The following XYLT1 variants were observed in gnomAD, a reference collection of about 807,000 sequenced individuals.
XYLT1 encodes xylosyltransferase 1, also known as beta-D-xylosyltransferase 1.
XYLT1 carries 36 observed loss-of-function variants against 91.3 expected under a neutral mutation model. The observed-to-expected ratio is 0.39, with a 90% CI of 0.30 to 0.52. The LOEUF is 0.52. Among genes scored for constraint, XYLT1 ranks in the 20% least tolerant of loss-of-function variants. The probability of loss-of-function intolerance (pLI) is 0.68; values close to 1 mark genes in which losing one functional copy is unlikely to be tolerated. For synonymous variants in XYLT1, 588 were observed against 532.0 expected, an observed-to-expected ratio of 1.11 and a Z score of -1.45; for missense variants, 1,242 against 1,284.5, an observed-to-expected ratio of 0.97 and a Z score of 0.51.
chr16:17,365,578 T>C (rs1225137895), intron 1 of XYLT1, among the ~76,000 whole-genome samples: 1 of 152,072 alleles, frequency 6.6e-6, no homozygotes, highest in Non-Finnish European at 1.5e-5. Flanking sequence ...TACAGAAACG[T>C]TGGCAGTTAA....
chr16:17,292,497 C>G (rs1206615485), intron 2 of XYLT1, among the ~76,000 whole-genome samples: 1 of 152,208 alleles, frequency 6.6e-6, no homozygotes, highest in African/African-American at 2.4e-5. Context: ...CCAAAATGAC[C>G]TGCTGTGCAG....
At position 17,442,193 on chromosome 16, in the gene XYLT1, C is replaced by T. The variant is rs1274906409; in HGVS notation, c.363+28241G>A. On this transcript the variant is annotated intron_variant, in intron 1 of 11. Transcript: ENST00000261381. Reference sequence around the variant, plus strand: ...CCTCCTGGGACCCAGCTTGCCACCGCAGGCCTTGGGACTTCTCAGCCATCA... The same window carrying T: ...CCTCCTGGGACCCAGCTTGCCACCGTAGGCCTTGGGACTTCTCAGCCATCA... Among the ~76,000 whole-genome samples the T allele has an allele frequency of 2.6e-5, 4 of 152,162 alleles. No homozygotes were observed. In the South Asian group the frequency reaches 8.3e-4, roughly 32 times the overall value.
Position 17,127,851 on chromosome 16 carries a change from T to C in XYLT1, c.2038A>G (p.Met680Val), listed in dbSNP as rs763468294. 6.2e-6 allele frequency: 10 copies of C among 1,613,444 alleles called. No homozygotes were observed. Among genetic ancestry groups the C allele is most frequent in the African/African-American group, 1.3e-5 (1 of 74,968 alleles). ...DGENSCRYYPMGHPASVHLYF... is the reference protein window; with the variant it reads ...DGENSCRYYPVGHPASVHLYF... ...AGGTGCACAGATGCTGGGTGGCCCA[T>C]TGGGTAGTATCTGAAAACACAGGCG... is the stretch of plus-strand genomic sequence containing the variant. Residue 680 changes from methionine (M) to valine (V), a missense_variant, in exon 10 of 12, where the codon ATG becomes GTG. Met to Val is a conservative substitution (Grantham distance 21, BLOSUM62 1). Around this residue, in one of 3 missense-constraint regions of XYLT1, gnomAD observed 511 missense variants for 497.0 expected, o/e 1.03. Coordinates refer to ENST00000261381, the MANE Select transcript of XYLT1 (RefSeq NM_022166.4).
At position 17,105,927 on chromosome 16, in the gene XYLT1, A is replaced by G. The variant is rs1342550699; in HGVS notation, c.*2768T>C. 6.6e-6 allele frequency: 1 copy of G among 152,078 alleles called. No homozygotes were observed. The highest frequency in any genetic ancestry group is 2.4e-5 in the African/African-American group (1 of 41,394). The allele number at this position is 152,078 out of a possible 1,614,324, so 9.4% of individuals were successfully genotyped here. On this transcript the variant is annotated 3_prime_UTR_variant, in exon 12 of 12. Coordinates refer to ENST00000261381, the MANE Select transcript of XYLT1 (RefSeq NM_022166.4). The stretch of plus-strand genomic sequence containing the variant: ...TGTTTGGGATTTTCCTTAAAAAAAA[A>G]AACAAAACACAAAAACACAACAAAT...
chr16:17,257,509 A>G (rs1409331147), intron 3 of XYLT1, among the ~76,000 whole-genome samples: 3 of 152,174 alleles, frequency 2.0e-5, no homozygotes, highest in Non-Finnish European at 2.9e-5. Context: ...TCCAAGGAAA[A>G]AAGTAAAATT....
At chr16:17,225,792 T>C (rs1446162889) in intron 3 of XYLT1, among the ~76,000 whole-genome samples, 1 of 152,168 alleles carries the variant, frequency 6.6e-6, no homozygotes, top group African/African-American at 2.4e-5. Flanking sequence ...GAATCATAAA[T>C]AATGTAGAAT....
chr16:17,131,513 AC>A, intron 9 of XYLT1, among the ~76,000 whole-genome samples: 1 of 152,128 alleles, frequency 6.6e-6, no homozygotes, highest in Non-Finnish European at 1.5e-5. Flanking sequence ...TGGTCAGCCC[AC>A]CCTGCAGGGG....
At chr16:17,347,804 G>A (rs1054097964) in intron 2 of XYLT1, among the ~76,000 whole-genome samples, 1 of 152,234 alleles carries the variant, frequency 6.6e-6, no homozygotes, top group Non-Finnish European at 1.5e-5. Flanking sequence ...TGTACAAAGA[G>A]ATTCTTTATA....
At chr16:17,374,537 TC>T (rs1346953606) in intron 1 of XYLT1, among the ~76,000 whole-genome samples, 3 of 152,042 alleles carry the variant, frequency 2.0e-5, no homozygotes, top group African/African-American at 7.3e-5. Context: ...TAATTCCTAT[TC>T]CCCATTTTTA....
intron 5 of XYLT1, among the ~76,000 whole-genome samples, chr16:17,185,070 T>G (rs982630629): frequency 1.3e-5 from 2 of 152,152 alleles, no homozygotes; most frequent in African/African-American, 4.8e-5. Context: ...CTCCGAGAAC[T>G]CTAGGCTCAC....
intron 1 of XYLT1, among the ~76,000 whole-genome samples, chr16:17,425,619 T>C (rs891483811): frequency 6.6e-6 from 1 of 152,208 alleles, no homozygotes; most frequent in Non-Finnish European, 1.5e-5. Context: ...TAATTGTTCA[T>C]AGGAAAGTAA....
At chr16:17,352,557 G>T (rs1020556108) in intron 2 of XYLT1, among the ~76,000 whole-genome samples, 1 of 152,176 alleles carries the variant, frequency 6.6e-6, no homozygotes, top group Non-Finnish European at 1.5e-5. Context: ...AAAAAATTCA[G>T]AACTCTGTCA....
At chr16:17,236,513 G>A (rs1213321144) in intron 3 of XYLT1, among the ~76,000 whole-genome samples, 3 of 152,008 alleles carry the variant, frequency 2.0e-5, no homozygotes, top group Non-Finnish European at 2.9e-5. Context: ...GTGGGACATC[G>A]GACTGGTGAT....
At chr16:17,235,309 C>CCTT (rs10644240) in intron 3 of XYLT1, among the ~76,000 whole-genome samples, 1 of 138,262 alleles carries the variant, frequency 7.2e-6, no homozygotes, top group African/African-American at 2.7e-5. Context: ...TCATTATCAT[C>CCTT]TTTTTTTTTT....
At chr16:17,183,884 G>A (rs542591748) in intron 5 of XYLT1, among the ~76,000 whole-genome samples, 1 of 152,110 alleles carries the variant, frequency 6.6e-6, no homozygotes, top group South Asian at 2.1e-4. Flanking sequence ...TAACCCTGTC[G>A]CTTGGATCCT....
chr16:17,461,125 T>A (rs554771423), intron 1 of XYLT1, among the ~76,000 whole-genome samples: 1 of 152,200 alleles, frequency 6.6e-6, no homozygotes, highest in East Asian at 1.9e-4. Context: ...TCTGCTCCCC[T>A]GGATCATTTC....
At chr16:17,140,002 G>A (rs1020230733) in intron 7 of XYLT1, among the ~76,000 whole-genome samples, 31 of 152,144 alleles carry the variant, frequency 2.0e-4, no homozygotes, top group Admixed American at 1.8e-3. Context: ...ACAAGGGACC[G>A]TTCATGAGAA....
At position 17,376,200 on chromosome 16, in the gene XYLT1, CTTAT is replaced by C. The variant is rs373166374; in HGVS notation, c.364-18154_364-18151del. 9.5e-4 allele frequency among the ~76,000 whole-genome samples: 145 copies of C among 152,302 alleles called. 3 individuals carry two copies. The highest frequency in any genetic ancestry group is 3.3e-3 in the African/African-American group (139 of 41,584). Reference sequence around the variant, plus strand: ...ACATTTGACACTGTCTAGAGACACGCTTATTTGTCATAACTTGAAAGGGAGCGTG... The same window carrying C: ...ACATTTGACACTGTCTAGAGACACGCTTGTCATAACTTGAAAGGGAGCGTG... On this transcript the variant is annotated intron_variant, in intron 1 of 11. Transcript: ENST00000261381.
At chr16:17,296,338 G>T (rs2034310454) in intron 2 of XYLT1, among the ~76,000 whole-genome samples, 1 of 152,162 alleles carries the variant, frequency 6.6e-6, no homozygotes, top group South Asian at 2.1e-4. Context: ...TGCAGAGATG[G>T]GGCTGGGGCT....
Sources: gnomAD v4.1 joint callset for allele counts (sites outside exome capture counted in the v4.1 genomes callset) on GRCh38, gnomAD v4.1.1 for gene constraint, gnomAD v4.1.1 regional missense constraint, MANE v1.5 for transcripts, NCBI Gene and HGNC (gene_info 2026-07-23, HGNC 2026-07-21) for gene names.